LAMA2: variants seen among roughly 807,000 people sequenced by gnomAD.
LAMA2 encodes the protein laminin subunit alpha 2, also known as laminin subunit alpha-2.
A neutral mutation model predicts 364.8 loss-of-function variants in LAMA2; 269 were observed. The ratio of observed to expected loss-of-function variants is 0.74; its 90% CI spans 0.67 to 0.82. The LOEUF (loss-of-function observed/expected upper bound fraction) is 0.82. Among genes scored for constraint, LAMA2 ranks in the 40% least tolerant of loss-of-function variants. The pLI, the probability that LAMA2 is intolerant of heterozygous loss-of-function variation, is 0.00. For missense variants in LAMA2, 3,807 were observed against 3,873.2 expected (o/e 0.98, Z 0.45); for synonymous variants, 1,379 against 1,370.6 (o/e 1.01, Z -0.14).
At chr6:128,961,346 T>C (rs1282828369) in intron 1 of LAMA2, among the ~76,000 whole-genome samples, 1 of 72,000 alleles carries the variant, frequency 1.4e-5, no homozygotes, top group Admixed American at 1.3e-4. Context: ...TATATATATA[T>C]ATATATATAT....
chr6:128,987,479 G>A (rs1306173392), intron 1 of LAMA2, among the ~76,000 whole-genome samples: 1 of 152,052 alleles, frequency 6.6e-6, no homozygotes, highest in Non-Finnish European at 1.5e-5. Context: ...CAGTCAAAAG[G>A]TAAAAGTAGA....
At chr6:129,048,458 T>TTC (rs1291507310) in intron 1 of LAMA2, among the ~76,000 whole-genome samples, 1 of 47,556 alleles carries the variant, frequency 2.1e-5, no homozygotes, top group East Asian at 5.5e-4. Context: ...CTTTCTTTCT[T>TTC]TCTTTCTTTC....
intron 3 of LAMA2, among the ~76,000 whole-genome samples, chr6:129,086,617 A>G (rs561536283): frequency 2.6e-4 from 39 of 152,250 alleles, no homozygotes; most frequent in Admixed American, 9.8e-4. Context: ...GCAAAAAGCA[A>G]AAGTAGGCAA....
intron 8 of LAMA2, chr6:129,157,860 T>G: frequency 4.3e-6 from 7 of 1,614,126 alleles, no homozygotes; most frequent in Non-Finnish European, 5.9e-6. Context: ...GGGCTGGAAG[T>G]GGTTTTTGTT....
chr6:129,243,967 A>T (rs1291778809), intron 12 of LAMA2, among the ~76,000 whole-genome samples: 1 of 152,020 alleles, frequency 6.6e-6, no homozygotes, highest in Non-Finnish European at 1.5e-5. Flanking sequence ...AAGGAAAAAA[A>T]AGGTGGAAGA....
intron 40 of LAMA2, among the ~76,000 whole-genome samples, chr6:129,412,251 T>A (rs1439178815): frequency 6.6e-6 from 1 of 152,218 alleles, no homozygotes; most frequent in East Asian, 1.9e-4. Flanking sequence ...GCAGAATTTC[T>A]TCTTCTTCAG....
intron 57 of LAMA2, 78 bp downstream of exon 57, chr6:129,492,155 T>C: frequency 1.4e-6 from 2 of 1,426,354 alleles, no homozygotes; most frequent in Admixed American, 1.7e-5. Context: ...GCATCTACAT[T>C]GTCTACAGCT....
At chr6:129,369,234 A>G (rs555739248) in intron 33 of LAMA2, among the ~76,000 whole-genome samples, 22 of 152,256 alleles carry the variant, frequency 1.4e-4, no homozygotes, top group South Asian at 6.2e-4. Flanking sequence ...AAAACCCGCT[A>G]TGGTTTTGTC....
intron 58 of LAMA2, among the ~76,000 whole-genome samples, chr6:129,501,548 T>G (rs945518261): frequency 7.2e-5 from 11 of 152,198 alleles, no homozygotes; most frequent in African/African-American, 2.7e-4. Context: ...TGTGTGCTGA[T>G]GAGTCATCTC....
At position 129,287,931 on chromosome 6, in the gene LAMA2, C is replaced by T; in HGVS notation, c.2622C>T (p.Ser874=). ...PCQCNDNLDF[S]IPGSCDSLSG... is the part of the protein sequence containing the mutation. Reference sequence around the variant, plus strand: ...AATGCAATGACAACCTTGACTTCTCCATCCCTGGCAGCTGTGACAGCTTGT... The same window carrying T: ...AATGCAATGACAACCTTGACTTCTCTATCCCTGGCAGCTGTGACAGCTTGT... The change falls in exon 19 of 65, where the codon TCC becomes TCT. Residue 874 remains serine (S), a synonymous_variant. Transcript: ENST00000421865. 6.2e-7 allele frequency: 1 copy of T among 1,614,126 alleles called. No individual in the cohort carries two copies. The highest frequency in any genetic ancestry group is 8.5e-7 in the Non-Finnish European group (1 of 1,179,972).
chr6:129,442,102 T>TGG, intron 43 of LAMA2: 1 of 689,486 alleles, frequency 1.5e-6, no homozygotes, highest in Non-Finnish European at 2.3e-6. Context: ...CCAACATTTT[T>TGG]GGGGGGGTAT....
chr6:129,450,842 A>G (rs1440764181), intron 45 of LAMA2, among the ~76,000 whole-genome samples: 1 of 152,100 alleles, frequency 6.6e-6, no homozygotes, highest in African/African-American at 2.4e-5. Flanking sequence ...TCAGATCTTG[A>G]TTTCTTGTTC....
intron 1 of LAMA2, among the ~76,000 whole-genome samples, chr6:128,930,896 C>T (rs757886829): frequency 3.3e-5 from 5 of 152,162 alleles, no homozygotes; most frequent in Non-Finnish European, 7.3e-5. Context: ...CCTACGTGTA[C>T]ACACACACTT....
At chr6:129,488,688 C>G (rs890775991) in intron 56 of LAMA2, among the ~76,000 whole-genome samples, 1 of 152,164 alleles carries the variant, frequency 6.6e-6, no homozygotes, top group Non-Finnish European at 1.5e-5. Flanking sequence ...AGTCACTGAA[C>G]TCTGTGCCAA....
chr6:129,270,724 C>T lies in LAMA2; in HGVS notation c.2423C>T (p.Ala808Val), dbSNP rs1468694235. ...ACCTCTGAAGACTGTCAACCCTGTG[C>T]CTGTCCACTCAATATCCCATCCAAT... is the stretch of plus-strand genomic sequence containing the variant. ...KGTSEDCQPC[A>V]CPLNIPSNNF... is the part of the protein sequence containing the mutation. Residue 808 changes from alanine to valine, a missense_variant, in exon 17 of 65, where the codon GCC becomes GTC. Physicochemically the swap from Ala to Val is moderately conservative, Grantham distance 64 (BLOSUM62 0). This residue lies in a region of LAMA2 where 3,333 missense variants were observed against 3,345.7 expected (regional missense o/e 1.00). Transcript: ENST00000421865. The T allele has an allele frequency of 1.9e-6, 3 of 1,613,032 alleles. No homozygotes were observed. The highest frequency in any genetic ancestry group is 2.5e-6 in the Non-Finnish European group (3 of 1,179,426).
At chr6:129,032,164 T>C (rs1044724145) in intron 1 of LAMA2, among the ~76,000 whole-genome samples, 2 of 152,222 alleles carry the variant, frequency 1.3e-5, no homozygotes, top group Admixed American at 1.3e-4. Flanking sequence ...TGTCCAGCCC[T>C]GTGGTAGGCT....
intron 1 of LAMA2, among the ~76,000 whole-genome samples, chr6:128,909,099 A>G (rs534396385): frequency 6.7e-6 from 1 of 149,918 alleles, no homozygotes; most frequent in Non-Finnish European, 1.5e-5. Context: ...GTGCTGAAAA[A>G]AATGTATATT....
intron 1 of LAMA2, among the ~76,000 whole-genome samples, chr6:129,041,393 T>C (rs2114755129): frequency 1.3e-5 from 2 of 152,350 alleles, no homozygotes; most frequent in South Asian, 2.1e-4. Flanking sequence ...GCCTGTGGGT[T>C]TCTTGGAAAA....
intron 1 of LAMA2, among the ~76,000 whole-genome samples, chr6:128,926,603 C>G (rs1779115402): frequency 6.6e-6 from 1 of 152,146 alleles, no homozygotes. Flanking sequence ...TATTCCACAG[C>G]TAACTATTAT....
Sources: gnomAD v4.1 joint callset for allele counts (sites outside exome capture counted in the v4.1 genomes callset) on GRCh38, gnomAD v4.1.1 for gene constraint, gnomAD v4.1.1 regional missense constraint, MANE v1.5 for transcripts, NCBI Gene and HGNC (gene_info 2026-07-23, HGNC 2026-07-21) for gene names.